Variants in UCHL1 observed in about 807,000 individuals in gnomAD.
The protein encoded by UCHL1 is ubiquitin C-terminal hydrolase L1.
Under a neutral mutation model 33.3 loss-of-function variants are expected in UCHL1, and 5 were observed. That is an observed-to-expected ratio of 0.15 (90% CI 0.08 to 0.32). The LOEUF (loss-of-function observed/expected upper bound fraction) is 0.32. Ranked by LOEUF, UCHL1 falls within the 10% of genes least tolerant of loss-of-function variation. UCHL1 has a pLI of 1.00. For synonymous variants in UCHL1, 132 were observed against 108.8 expected, an observed-to-expected ratio of 1.21 and a Z score of -1.33; for missense variants, 236 against 280.0, an observed-to-expected ratio of 0.84 and a Z score of 1.12.
intron 8 of UCHL1, among the ~76,000 whole-genome samples, chr4:41,267,411 A>T (rs896232081): frequency 2.0e-5 from 3 of 151,738 alleles, no homozygotes; most frequent in Admixed American, 6.6e-5. Context: ...TGCCCGGCTA[A>T]TTTTTTTTGT....
chr4:41,257,326 G>A (rs1242420593), intron 2 of UCHL1, 200 bp downstream of exon 2: 2 of 1,015,990 alleles, frequency 2.0e-6, no homozygotes, highest in Non-Finnish European at 2.8e-6. Flanking sequence ...CGGGGAGACG[G>A]AGGGGGCTGC....
rs1301589997 is a variant in UCHL1, at chr4:41,260,810, T to G, written c.325+13T>G. 4 of 1,614,090 alleles carry G rather than the reference T, an allele frequency of 2.5e-6. No homozygotes were observed. Among genetic ancestry groups the G allele is most frequent in the Non-Finnish European group, 3.4e-6 (4 of 1,179,978 alleles). Reference sequence around the variant, plus strand: ...AAACTGGGATTTGGTAGGTGTGGGTTTTGAGGCCAGCCATCCTAAGCTTGA... The same window carrying G: ...AAACTGGGATTTGGTAGGTGTGGGTGTTGAGGCCAGCCATCCTAAGCTTGA... On this transcript the variant is annotated intron_variant, in intron 4 of 8. Transcript: ENST00000284440.
intron 8 of UCHL1, 53 bp from the exon 9 acceptor site, chr4:41,267,934 C>G: frequency 3.3e-4 from 471 of 1,427,592 alleles, no homozygotes; most frequent in Non-Finnish European, 4.2e-4. Flanking sequence ...CCCTATGTGA[C>G]TTTCATTTTG....
At chr4:41,259,702 A>C (rs1486746353) in intron 3 of UCHL1, among the ~76,000 whole-genome samples, 1 of 152,142 alleles carries the variant, frequency 6.6e-6, no homozygotes, top group Non-Finnish European at 1.5e-5. Flanking sequence ...TTTAACTGGG[A>C]AGTCCTAACT....
rs1781057189 is a variant in UCHL1, at chr4:41,260,729, T to C, written c.257T>C (p.Ile86Thr). 1 of 1,614,162 alleles carries C rather than the reference T, an allele frequency of 6.2e-7. No homozygotes were observed. Among genetic ancestry groups the C allele is most frequent in the Non-Finnish European group, 8.5e-7 (1 of 1,180,024 alleles). Reference protein sequence around the residue: ...SPKVYFMKQTIGNSCGTIGLI... With the variant: ...SPKVYFMKQTTGNSCGTIGLI... ...AAAGTGTACTTCATGAAGCAGACCA[T>C]TGGGAATTCCTGTGGCACAATCGGA... Residue 86 changes from isoleucine to threonine, a missense_variant, in exon 4 of 9, where the codon ATT becomes ACT. By Grantham distance (89) the Ile-to-Thr change is moderately conservative (BLOSUM62 -1). Transcript: ENST00000284440.
chr4:41,257,354 C>T, intron 2 of UCHL1: 1 of 931,596 alleles, frequency 1.1e-6, no homozygotes, highest in Non-Finnish European at 1.5e-6. Context: ...GGCGAGCGAG[C>T]GCCAGGCGGA....
In UCHL1 at chr4:41,257,671, G is replaced by A; in HGVS notation, c.108G>A (p.Glu36=). 6.4e-7 allele frequency: 1 copy of A among 1,574,136 alleles called. No homozygotes were observed. Among genetic ancestry groups the A allele is most frequent in the Non-Finnish European group, 8.6e-7 (1 of 1,163,300 alleles). ...TCGTGGACGTGCTGGGGCTGGAAGA[G>A]GAGTCTCTGGGCTCGGTGCCAGCGC... ...WRFVDVLGLE[E]ESLGSVPAPA... is the part of the protein sequence containing the mutation. The change falls in exon 3 of 9, where the codon GAG becomes GAA. Residue 36 remains glutamate (E), a synonymous_variant. Transcript: ENST00000284440.
At chr4:41,257,523 G>A (rs1410326669) in intron 2 of UCHL1, 86 bp from the exon 3 acceptor site, 1 of 1,371,802 alleles carries the variant, frequency 7.3e-7, no homozygotes, top group Admixed American at 3.9e-5. Flanking sequence ...GGCGCGGAGG[G>A]CGCGCGCCTC....
chr4:41,257,387 C>T, intron 2 of UCHL1: 1 of 882,112 alleles, frequency 1.1e-6, no homozygotes, highest in Non-Finnish European at 1.6e-6. Flanking sequence ...GTGGCGCGGG[C>T]AGCACAGACT....
In UCHL1 at chr4:41,256,937, T is replaced by C. The variant is rs767459303; in HGVS notation, c.-40T>C. ...CCTGGGCGGCTCCGCTAGCTGTTTT[T>C]CGTCTTCCCTAGGCTATTTCTGCCG... On this transcript the variant is annotated 5_prime_UTR_variant, in exon 1 of 9. Transcript: ENST00000284440. 1.2e-5 allele frequency: 20 copies of C among 1,613,944 alleles called. No individual in the cohort carries two copies. The highest frequency in any genetic ancestry group is 5.3e-5 in the African/African-American group (4 of 74,936).
chr4:41,260,698 A>G lies in UCHL1; in HGVS notation c.226A>G (p.Ser76Gly), dbSNP rs747330895. The change falls in exon 4 of 9, where the codon AGT (serine) becomes GGT (glycine). Residue 76 changes from serine (S) to glycine (G), a missense_variant. By Grantham distance (56) the Ser-to-Gly change is moderately conservative (BLOSUM62 0). Transcript: ENST00000284440. Reference sequence around the variant, plus strand: ...TGAAGAGCTGAAGGGACAAGAAGTTAGTCCTAAAGTGTACTTCATGAAGCA... The same window carrying G: ...TGAAGAGCTGAAGGGACAAGAAGTTGGTCCTAAAGTGTACTTCATGAAGCA... ...QIEELKGQEVSPKVYFMKQTI... is the reference protein window; with the variant it reads ...QIEELKGQEVGPKVYFMKQTI... The G allele has an allele frequency of 1.2e-6, 2 of 1,614,150 alleles. No individual in the cohort carries two copies. Among genetic ancestry groups the G allele is most frequent in the Non-Finnish European group, 1.7e-6 (2 of 1,180,046 alleles).
chr4:41,260,591 CCATCTGTT>C, intron 3 of UCHL1, 48 bp from the exon 4 acceptor site: 1 of 1,596,134 alleles, frequency 6.3e-7, no homozygotes, highest in East Asian at 2.2e-5. Context: ...TCATGTGCTG[CCATCTGTT>C]CTTTGCACTT....
At chr4:41,266,226 CT>C (rs71650920) in intron 8 of UCHL1, among the ~76,000 whole-genome samples, 24,610 of 136,468 alleles carry the variant, frequency 0.18, 2,341 homozygotes, top group Non-Finnish European at 0.22. Context: ...CTGGCTAAAA[CT>C]TTTTTTTTTT....
chr4:41,264,080 C>T (rs1198692612), intron 7 of UCHL1, 23 bp from the exon 8 acceptor site: 2 of 1,614,202 alleles, frequency 1.2e-6, no homozygotes, highest in South Asian at 1.1e-5. Context: ...AGAAAATTGA[C>T]ATGCCTGGCT....
At chr4:41,263,022 T>C (rs996332257) in intron 6 of UCHL1, among the ~76,000 whole-genome samples, 1 of 152,208 alleles carries the variant, frequency 6.6e-6, no homozygotes, top group African/African-American at 2.4e-5. Context: ...CCTGTAGTAA[T>C]AGCATCCTCA....
At position 41,260,593 on chromosome 4, in the gene UCHL1, A is replaced by G. The variant is rs960369090; in HGVS notation, c.175-54A>G. On this transcript the variant is annotated intron_variant, in intron 3 of 8. Coordinates refer to ENST00000284440, the MANE Select transcript of UCHL1 (RefSeq NM_004181.5). ...TAGTTGGTAGAACTCATGTGCTGCCATCTGTTCTTTGCACTTTCATTCTGA... is the reference window on the plus strand; with the variant it reads ...TAGTTGGTAGAACTCATGTGCTGCCGTCTGTTCTTTGCACTTTCATTCTGA... The G allele has an allele frequency of 8.2e-5, 131 of 1,603,254 alleles. No individual in the cohort carries two copies. The East Asian group carries it at 1.4e-3, about 17-fold the overall frequency.
At chr4:41,258,398 TAGG>T (rs1781017995) in intron 3 of UCHL1, among the ~76,000 whole-genome samples, 1 of 152,196 alleles carries the variant, frequency 6.6e-6, no homozygotes, top group African/African-American at 2.4e-5. Flanking sequence ...CTAACTGAAA[TAGG>T]GGGTTATTAG....
At position 41,264,139 on chromosome 4, in the gene UCHL1, G is replaced by T. The variant is rs1281976519; in HGVS notation, c.563G>T (p.Ser188Ile). 6.2e-7 allele frequency: 1 copy of T among 1,614,236 alleles called. No individual in the cohort carries two copies. Among genetic ancestry groups the T allele is most frequent in the South Asian group, 1.1e-5 (1 of 91,084 alleles). Residue 188 changes from serine (S) to isoleucine (I), a missense_variant, in exon 8 of 9, where the codon AGT (serine) becomes ATT (isoleucine). Transcript: ENST00000284440. ...RMPFPVNHGA[S>I]SEDTLLKDAA... ...CCTTTTCCGGTGAACCATGGCGCCA[G>T]TTCAGAGGACACCCTGCTGAAGGTC...
At chr4:41,259,214 GA>G (rs1781032982) in intron 3 of UCHL1, among the ~76,000 whole-genome samples, 1 of 152,230 alleles carries the variant, frequency 6.6e-6, no homozygotes, top group South Asian at 2.1e-4. Flanking sequence ...CCGATTGAAA[GA>G]AAAGTTGAGG....
Sources: allele counts gnomAD v4.1 joint callset (sites outside exome capture counted in the v4.1 genomes callset), GRCh38; gene constraint gnomAD v4.1.1; transcripts MANE v1.5; gene names NCBI Gene and HGNC (gene_info 2026-07-23, HGNC 2026-07-21).